The following ILRUN variants were observed in gnomAD, a reference collection of about 807,000 sequenced individuals.
ILRUN encodes protein ILRUN.
ILRUN carries 3 observed loss-of-function variants against 33.8 expected under a neutral mutation model. That is an observed-to-expected ratio of 0.09 (90% CI 0.04 to 0.23). The LOEUF is 0.23. ILRUN is among the 10% of genes least tolerant of loss of function. The probability of loss-of-function intolerance (pLI) is 1.00; values close to 1 mark genes in which losing one functional copy is unlikely to be tolerated. For synonymous variants in ILRUN, 124 were observed against 138.9 expected (o/e 0.89, Z 0.75); for missense variants, 210 against 375.1 (o/e 0.56, Z 3.64).
At chr6:34,637,566 T>C (rs1006642521) in intron 3 of ILRUN, among the ~76,000 whole-genome samples, 1 of 152,180 alleles carries the variant, frequency 6.6e-6, no homozygotes. Flanking sequence ...TACATGTGTA[T>C]GGTAAGTTGA....
chr6:34,639,353 TA>T, intron 3 of ILRUN, among the ~76,000 whole-genome samples: 1 of 152,322 alleles, frequency 6.6e-6, no homozygotes, highest in African/African-American at 2.4e-5. Context: ...TCACTTGACT[TA>T]GCTTATTTCA....
intron 1 of ILRUN, among the ~76,000 whole-genome samples, chr6:34,668,014 A>G (rs1653359903): frequency 6.6e-6 from 1 of 152,194 alleles, no homozygotes; most frequent in South Asian, 2.1e-4. Flanking sequence ...GAGTGACAAT[A>G]GTACTGTAGT....
At chr6:34,611,510 C>T (rs761152297) in intron 3 of ILRUN, among the ~76,000 whole-genome samples, 1 of 152,090 alleles carries the variant, frequency 6.6e-6, no homozygotes, top group Non-Finnish European at 1.5e-5. Flanking sequence ...CACTTCTAGA[C>T]CTTATATTCC....
At chr6:34,642,128 A>T (rs142544464) in intron 3 of ILRUN, among the ~76,000 whole-genome samples, 151 of 152,346 alleles carry the variant, frequency 9.9e-4, no homozygotes, top group African/African-American at 3.2e-3. Context: ...CAAAAAGTTT[A>T]TGGGGATAAT....
chr6:34,656,016 C>T (rs375495454), intron 1 of ILRUN, among the ~76,000 whole-genome samples: 3 of 152,118 alleles, frequency 2.0e-5, no homozygotes, highest in African/African-American at 7.2e-5. Flanking sequence ...GGGCAGATCA[C>T]GGGGTCAGGA....
chr6:34,670,562 A>C (rs550472084), intron 1 of ILRUN, among the ~76,000 whole-genome samples: 28 of 152,206 alleles, frequency 1.8e-4, no homozygotes, highest in African/African-American at 6.7e-4. Context: ...TTAAAAGATG[A>C]GGATAGGGCC....
intron 3 of ILRUN, among the ~76,000 whole-genome samples, chr6:34,638,089 T>C (rs915246729): frequency 3.3e-5 from 5 of 151,992 alleles, no homozygotes; most frequent in Admixed American, 2.0e-4. Context: ...AGTTTCACCA[T>C]GTTGCCCAGG....
At chr6:34,688,874 T>C (rs1212624227) in intron 1 of ILRUN, among the ~76,000 whole-genome samples, 1 of 151,894 alleles carries the variant, frequency 6.6e-6, no homozygotes, top group African/African-American at 2.4e-5. Flanking sequence ...GGCAGGAGAA[T>C]CACTTGAACC....
intron 3 of ILRUN, chr6:34,616,553 GAGA>G (rs1761896195): frequency 1.4e-6 from 2 of 1,388,296 alleles, no homozygotes; most frequent in Admixed American, 1.7e-5. Flanking sequence ...GGGTGTCGAA[GAGA>G]AGAAGGTTCC....
chr6:34,694,190 A>G (rs1763706868), intron 1 of ILRUN, among the ~76,000 whole-genome samples: 1 of 152,174 alleles, frequency 6.6e-6, no homozygotes, highest in African/African-American at 2.4e-5. Flanking sequence ...AATCTTAGAC[A>G]TTAAATACAT....
intron 3 of ILRUN, among the ~76,000 whole-genome samples, chr6:34,623,909 G>A (rs565426811): frequency 1.3e-5 from 2 of 152,034 alleles, no homozygotes; most frequent in Non-Finnish European, 1.5e-5. Flanking sequence ...TCGGCTCACC[G>A]CAACCTCTGC....
chr6:34,627,859 A>G (rs4615374), intron 3 of ILRUN, among the ~76,000 whole-genome samples: 9,420 of 151,800 alleles, frequency 0.062, 505 homozygotes, highest in East Asian at 0.32. Flanking sequence ...ATGCACCACC[A>G]TACCCGGCTA....
At chr6:34,619,168 G>C (rs1761959451) in intron 3 of ILRUN, among the ~76,000 whole-genome samples, 1 of 152,178 alleles carries the variant, frequency 6.6e-6, no homozygotes, top group Non-Finnish European at 1.5e-5. Context: ...TTGCGAAGAA[G>C]TTTTGCTACA....
chr6:34,650,245 A>C (rs1762633403), intron 2 of ILRUN, among the ~76,000 whole-genome samples: 1 of 152,158 alleles, frequency 6.6e-6, no homozygotes, highest in South Asian at 2.1e-4. Flanking sequence ...TTTAACTCCC[A>C]AAGTTTCCTG....
At chr6:34,615,454 G>A (rs1412392550) in intron 3 of ILRUN, among the ~76,000 whole-genome samples, 1 of 152,108 alleles carries the variant, frequency 6.6e-6, no homozygotes, top group African/African-American at 2.4e-5. Context: ...AAATTAGCCA[G>A]GCATGGTGGC....
chr6:34,590,632 A>G, intron 4 of ILRUN, 32 bp from the exon 5 acceptor site: 1 of 1,494,024 alleles, frequency 6.7e-7, no homozygotes, highest in Non-Finnish European at 9.3e-7. Context: ...CAGTGATGGT[A>G]CACATAGCAG....
intron 1 of ILRUN, among the ~76,000 whole-genome samples, chr6:34,674,686 T>C (rs1444293384): frequency 2.0e-5 from 3 of 152,202 alleles, no homozygotes; most frequent in African/African-American, 4.8e-5. Context: ...CTTTAAACCA[T>C]ACATTTGTAA....
intron 1 of ILRUN, among the ~76,000 whole-genome samples, chr6:34,665,098 G>GT (rs1317297499): frequency 2.0e-5 from 3 of 151,498 alleles, no homozygotes; most frequent in African/African-American, 7.3e-5. Flanking sequence ...AACCTCCCAA[G>GT]TAGGAGTACA....
rs3800456 is a variant in ILRUN at position 34,696,430 on chromosome 6, T to C, written c.158+16A>G. ...CCGAGGCCGCTGCCAGCGCTGGCAC[T>C]GCGGGGCCGGCTCACCAGTTGGTCA... On this transcript the variant is annotated intron_variant, in intron 1 of 4. Coordinates refer to ENST00000374023, the MANE Select transcript of ILRUN (RefSeq NM_024294.4). The C allele has an allele frequency of 1.3e-6, 2 of 1,560,052 alleles. No homozygotes were observed. Among genetic ancestry groups the C allele is most frequent in the Non-Finnish European group, 1.7e-6 (2 of 1,153,500 alleles).
Sources: gnomAD v4.1 joint callset for allele counts (sites outside exome capture counted in the v4.1 genomes callset) on GRCh38, gnomAD v4.1.1 for gene constraint, MANE v1.5 for transcripts, NCBI Gene and HGNC (gene_info 2026-07-23, HGNC 2026-07-21) for gene names.